Variants in PCDH15 observed in about 807,000 individuals in gnomAD.
The protein encoded by PCDH15 is protocadherin related 15, also known as protocadherin-15.
Under a neutral mutation model 178.5 loss-of-function variants are expected in PCDH15, and 129 were observed. The observed-to-expected ratio is 0.72, with a 90% CI of 0.63 to 0.84. The LOEUF is 0.84. Among genes scored for constraint, PCDH15 ranks in the 40% least tolerant of loss-of-function variants. The pLI, the probability that PCDH15 is intolerant of heterozygous loss-of-function variation, is 0.00. For synonymous variants in PCDH15, 800 were observed against 732.0 expected (o/e 1.09, Z -1.50); for missense variants, 2,230 against 2,099.9 (o/e 1.06, Z -1.21).
intron 3 of PCDH15, among the ~76,000 whole-genome samples, chr10:54,465,019 C>G (rs187075370): frequency 3.3e-5 from 5 of 152,136 alleles, no homozygotes; most frequent in African/African-American, 1.2e-4. Context: ...CTTCTGCACC[C>G]TCTCACACCA....
intron 2 of PCDH15, among the ~76,000 whole-genome samples, chr10:54,917,536 A>G (rs747657654): frequency 3.9e-5 from 6 of 152,194 alleles, no homozygotes; most frequent in Non-Finnish European, 7.3e-5. Flanking sequence ...TATGATTACC[A>G]TCCCTGTACT....
chr10:55,209,093 G>C (rs1388500033), intron 1 of PCDH15, among the ~76,000 whole-genome samples: 1 of 151,956 alleles, frequency 6.6e-6, no homozygotes, highest in African/African-American at 2.4e-5. Context: ...ATATAAACAG[G>C]ATAAAAAAGA....
At chr10:53,881,311 G>A (rs146432958) in intron 26 of PCDH15, among the ~76,000 whole-genome samples, 141 of 152,258 alleles carry the variant, frequency 9.3e-4, no homozygotes, top group African/African-American at 3.2e-3. Flanking sequence ...AGAAAGGTGG[G>A]AGGGTGGGAG....
intron 2 of PCDH15, among the ~76,000 whole-genome samples, chr10:54,613,351 C>A (rs1460537189): frequency 6.6e-6 from 1 of 151,752 alleles, no homozygotes; most frequent in Non-Finnish European, 1.5e-5. Context: ...TCAGGAAGTT[C>A]AATAAATCAT....
At chr10:55,296,034 C>T (rs1322623745) in intron 1 of PCDH15, among the ~76,000 whole-genome samples, 4 of 152,056 alleles carry the variant, frequency 2.6e-5, no homozygotes, top group Non-Finnish European at 5.9e-5. Flanking sequence ...TAATGACTCA[C>T]GATTCAGGGA....
chr10:55,463,973 GAGAA>G lies in PCDH15; in HGVS notation c.-156+163648_-156+163651del, dbSNP rs1477859300. Among the ~76,000 whole-genome samples, 17 of 11,746 alleles carry G rather than the reference GAGAA, an allele frequency of 1.4e-3. 5 individuals are homozygous for G. The highest frequency in any genetic ancestry group is 1.9e-3 in the Non-Finnish European group (15 of 8,046). 7.7% of individuals were successfully genotyped at this position (11,746 alleles called of 152,430 possible). Reference sequence around the variant, plus strand: ...AGAAAGAAAGAAAGAAAGAAAGAAAGAGAAAGAAAGAAAGAAAGAGAAAGAAAGA... The same window carrying G: ...AGAAAGAAAGAAAGAAAGAAAGAAAGAGAAAGAAAGAAAGAGAAAGAAAGA... On this transcript the variant is annotated intron_variant, in intron 2 of 5. Coordinates refer to the PCDH15 transcript ENST00000613346.
chr10:55,339,498 T>C (rs1454091998), intron 2 of PCDH15, among the ~76,000 whole-genome samples: 1 of 152,202 alleles, frequency 6.6e-6, no homozygotes, highest in Non-Finnish European at 1.5e-5. Context: ...AATGCCAGTG[T>C]ATTTTTAGTT....
chr10:54,823,042 C>T (rs1437287586), intron 3 of PCDH15, among the ~76,000 whole-genome samples: 3 of 151,840 alleles, frequency 2.0e-5, no homozygotes. Flanking sequence ...CCACGACGTC[C>T]AGCTAATTTT....
At chr10:54,408,052 CAAAAA>C (rs71461239) in intron 3 of PCDH15, among the ~76,000 whole-genome samples, 1 of 83,724 alleles carries the variant, frequency 1.2e-5, no homozygotes, top group Non-Finnish European at 2.2e-5. Context: ...GAGACTCTGT[CAAAAA>C]AAAAAAAAAA....
At chr10:54,508,653 T>G (rs952489597) in intron 3 of PCDH15, among the ~76,000 whole-genome samples, 1 of 152,152 alleles carries the variant, frequency 6.6e-6, no homozygotes, top group African/African-American at 2.4e-5. Context: ...TATAGGGGTG[T>G]TCATCATTTA....
intron 10 of PCDH15, among the ~76,000 whole-genome samples, chr10:54,212,856 T>C (rs1052447747): frequency 2.6e-5 from 4 of 152,154 alleles, no homozygotes; most frequent in African/African-American, 9.7e-5. Context: ...AATTTGAATC[T>C]CAACTCTGCC....
intron 8 of PCDH15, among the ~76,000 whole-genome samples, chr10:54,240,032 G>A (rs1477543719): frequency 1.3e-5 from 2 of 152,042 alleles, no homozygotes; most frequent in Non-Finnish European, 2.9e-5. Context: ...TAGCATTGAA[G>A]TCAGAGGCAG....
intron 26 of PCDH15, among the ~76,000 whole-genome samples, chr10:53,888,258 T>A (rs1191405588): frequency 9.1e-6 from 1 of 109,566 alleles, no homozygotes; most frequent in African/African-American, 3.6e-5. Flanking sequence ...GTAGACCAAT[T>A]GGATACAAAT....
At chr10:54,267,016 G>T (rs1268610914) in intron 8 of PCDH15, among the ~76,000 whole-genome samples, 5 of 151,752 alleles carry the variant, frequency 3.3e-5, no homozygotes, top group Non-Finnish European at 7.4e-5. Flanking sequence ...GATGAACATA[G>T]ATGAAAAAAT....
chr10:54,162,964 G>A (rs2045865080), intron 13 of PCDH15, among the ~76,000 whole-genome samples: 1 of 152,066 alleles, frequency 6.6e-6, no homozygotes, highest in Admixed American at 6.5e-5. Flanking sequence ...TTAAGTGTGG[G>A]ATGAAATATA....
At chr10:54,881,396 G>C (rs1954259670) in intron 3 of PCDH15, among the ~76,000 whole-genome samples, 1 of 152,034 alleles carries the variant, frequency 6.6e-6, no homozygotes, top group Non-Finnish European at 1.5e-5. Context: ...TTTTCTATTT[G>C]AGTTCCAAGC....
At chr10:53,984,122 C>CTTTTTTTTTTTTTTTTTTTTTTTTTT (rs57184119) in intron 21 of PCDH15, among the ~76,000 whole-genome samples, 1 of 112,686 alleles carries the variant, frequency 8.9e-6, no homozygotes, top group African/African-American at 3.6e-5. Flanking sequence ...AAGTGCTTTT[C>CTTTTTTTTTTTTTTTTTTTTTTTTTT]TTTTTTTTTT....
At chr10:55,341,799 ATATATATTTTTTTTTTTTTTTTT>A (rs1844596743) in intron 2 of PCDH15, among the ~76,000 whole-genome samples, 2 of 11,498 alleles carry the variant, frequency 1.7e-4, no homozygotes, top group Non-Finnish European at 3.3e-4. Flanking sequence ...ATATATATAT[ATATATATTTTTTTTTTTTTTTTT>A]TTTTTTTTTA....
intron 28 of PCDH15, among the ~76,000 whole-genome samples, chr10:53,855,168 G>A (rs978163666): frequency 2.6e-5 from 4 of 152,026 alleles, no homozygotes; most frequent in South Asian, 2.1e-4. Flanking sequence ...TCATACATTC[G>A]TAGAGATAAT....
Sources: gnomAD v4.1 joint callset for allele counts (sites outside exome capture counted in the v4.1 genomes callset) on GRCh38, gnomAD v4.1.1 for gene constraint, MANE v1.5 for transcripts, NCBI Gene and HGNC (gene_info 2026-07-23, HGNC 2026-07-21) for gene names.